Variants in ROBO2 observed in about 807,000 individuals in gnomAD.
ROBO2 encodes roundabout homolog 2.
ROBO2 carries 53 observed loss-of-function variants against 160.8 expected under a neutral mutation model. That is an observed-to-expected ratio of 0.33 (90% CI 0.26 to 0.41). The LOEUF (loss-of-function observed/expected upper bound fraction) is 0.41, where lower values mean the gene tolerates loss of function less well. Among genes scored for constraint, ROBO2 ranks in the 10% least tolerant of loss-of-function variants. The probability of loss-of-function intolerance (pLI) is 1.00; values close to 1 mark genes in which losing one functional copy is unlikely to be tolerated. For missense variants in ROBO2, 1,577 were observed against 1,722.4 expected (o/e 0.92, Z 1.49); for synonymous variants, 664 against 611.7 (o/e 1.09, Z -1.26).
chr3:76,516,466 C>T (rs185665458), intron 2 of ROBO2, among the ~76,000 whole-genome samples: 2 of 152,138 alleles, frequency 1.3e-5, no homozygotes, highest in Admixed American at 1.3e-4. Flanking sequence ...TGTAGATTCC[C>T]GTTTATTACT....
chr3:77,225,952 G>A (rs566359617), intron 2 of ROBO2, among the ~76,000 whole-genome samples: 2 of 152,068 alleles, frequency 1.3e-5, no homozygotes, highest in African/African-American at 2.4e-5. Context: ...ATAAGGAGGA[G>A]CATTTTAATT....
rs190230665 is a variant in ROBO2, at chr3:76,958,163, C to T, written c.110-139851C>T. 2.9e-4 allele frequency among the ~76,000 whole-genome samples: 44 copies of T among 152,332 alleles called. 1 individual carries two copies. Among genetic ancestry groups the T allele is most frequent in the Admixed American group, 6.5e-4 (10 of 15,306 alleles). On this transcript the variant is annotated intron_variant, in intron 2 of 26. Coordinates refer to the ROBO2 transcript ENST00000487694. ...GACTAAGAGCTGCCTCGTTTCATTG[C>T]TGCGACCATTGCAAGCTAAGGTCTT...
intron 2 of ROBO2, among the ~76,000 whole-genome samples, chr3:76,615,904 A>C (rs2109150381): frequency 6.6e-6 from 1 of 152,308 alleles, no homozygotes; most frequent in Middle Eastern, 3.4e-3. Context: ...TCAGAATGTA[A>C]ATGAATTATC....
At chr3:77,483,019 G>A (rs573864668) in intron 4 of ROBO2, among the ~76,000 whole-genome samples, 2 of 152,090 alleles carry the variant, frequency 1.3e-5, no homozygotes, top group Non-Finnish European at 2.9e-5. Flanking sequence ...GAACTACTGG[G>A]GATTCCTAAA....
intron 2 of ROBO2, among the ~76,000 whole-genome samples, chr3:76,871,614 T>G (rs2072099876): frequency 6.6e-6 from 1 of 152,104 alleles, no homozygotes; most frequent in African/African-American, 2.4e-5. Flanking sequence ...AATCAACCAT[T>G]GAGTCACTTA....
chr3:77,328,929 T>A (rs1302468537), intron 2 of ROBO2, among the ~76,000 whole-genome samples: 2 of 152,220 alleles, frequency 1.3e-5, no homozygotes, highest in Non-Finnish European at 1.5e-5. Context: ...TGCTGAAATC[T>A]GTGATAGTTT....
chr3:76,329,146 A>G (rs913060492), intron 2 of ROBO2, among the ~76,000 whole-genome samples: 5 of 151,992 alleles, frequency 3.3e-5, no homozygotes, highest in African/African-American at 9.7e-5. Flanking sequence ...ACCTACCCCA[A>G]GTCCCCCACG....
At chr3:77,295,088 A>G (rs2061893464) in intron 2 of ROBO2, among the ~76,000 whole-genome samples, 1 of 151,442 alleles carries the variant, frequency 6.6e-6, no homozygotes, top group African/African-American at 2.4e-5. Context: ...AAAGACATAA[A>G]GTAAATTTGA....
chr3:76,060,236 C>A (rs2068025074), intron 2 of ROBO2, among the ~76,000 whole-genome samples: 1 of 152,006 alleles, frequency 6.6e-6, no homozygotes, highest in Non-Finnish European at 1.5e-5. Flanking sequence ...CACATCTATG[C>A]TGAATGTTCA....
At chr3:76,680,604 C>T (rs901289314) in intron 2 of ROBO2, among the ~76,000 whole-genome samples, 5 of 151,940 alleles carry the variant, frequency 3.3e-5, no homozygotes, top group Admixed American at 3.3e-4. Context: ...TCCATATTCC[C>T]ACATAAAATA....
At chr3:75,931,951 A>G (rs1304265885) in intron 1 of ROBO2, among the ~76,000 whole-genome samples, 1 of 152,152 alleles carries the variant, frequency 6.6e-6, no homozygotes, top group East Asian at 1.9e-4. Context: ...TTGATTAAAT[A>G]TAGACCACTA....
intron 2 of ROBO2, among the ~76,000 whole-genome samples, chr3:77,159,904 A>G (rs1046241532): frequency 6.6e-6 from 1 of 152,154 alleles, no homozygotes; most frequent in African/African-American, 2.4e-5. Flanking sequence ...TTCTTCAGCA[A>G]TGGGATTAAA....
intron 21 of ROBO2, among the ~76,000 whole-genome samples, chr3:77,616,650 C>T (rs1443247574): frequency 6.6e-6 from 1 of 151,968 alleles, no homozygotes; most frequent in Non-Finnish European, 1.5e-5. Context: ...TTATCTTTTC[C>T]TTGTCTGTGT....
chr3:77,192,556 ACTGGTCATGCAGATATCAAATGTGGGGCT>A (rs1204034634), intron 2 of ROBO2, among the ~76,000 whole-genome samples: 2 of 151,828 alleles, frequency 1.3e-5, no homozygotes, highest in Non-Finnish European at 2.9e-5. Flanking sequence ...GTTATTTTCT[ACTGGTCATGCAGATATCAAATGTGGGGCT>A]CTAAACTCAG....
intron 2 of ROBO2, among the ~76,000 whole-genome samples, chr3:76,173,139 C>A (rs1004932810): frequency 3.2e-5 from 4 of 126,772 alleles, no homozygotes; most frequent in Non-Finnish European, 6.4e-5. Context: ...TGACTTTGGA[C>A]AAGATACAAA....
intron 2 of ROBO2, among the ~76,000 whole-genome samples, chr3:77,342,854 T>G (rs2067212699): frequency 6.6e-6 from 1 of 152,332 alleles, no homozygotes; most frequent in Non-Finnish European, 1.5e-5. Flanking sequence ...TTTAAAGTGC[T>G]GTATTAGTTG....
chr3:76,307,363 C>G (rs759233721), intron 2 of ROBO2, among the ~76,000 whole-genome samples: 3 of 152,230 alleles, frequency 2.0e-5, no homozygotes, highest in Non-Finnish European at 4.4e-5. Context: ...AGTACTCCTT[C>G]TCTGCAGTCT....
chr3:76,972,386 A>G (rs2059614133), intron 2 of ROBO2, among the ~76,000 whole-genome samples: 1 of 151,990 alleles, frequency 6.6e-6, no homozygotes, highest in African/African-American at 2.4e-5. Context: ...CCTGGAAAGT[A>G]CTTTGGTTTG....
chr3:77,039,703 T>A (rs1363068994), upstream of ROBO2, among the ~76,000 whole-genome samples: 1 of 151,526 alleles, frequency 6.6e-6, no homozygotes, highest in Non-Finnish European at 1.5e-5. Flanking sequence ...GGTGGCCGAG[T>A]CCGGAGGTTC....
Sources: allele counts gnomAD v4.1 joint callset (sites outside exome capture counted in the v4.1 genomes callset), GRCh38; gene constraint gnomAD v4.1.1; transcripts MANE v1.5; gene names NCBI Gene and HGNC (gene_info 2026-07-23, HGNC 2026-07-21).